The following ADGRB1 variants were observed in gnomAD, a reference collection of about 807,000 sequenced individuals.
ADGRB1 encodes the protein adhesion G protein-coupled receptor B1, also known as brain-specific angiogenesis inhibitor 1.
ADGRB1 carries 36 observed loss-of-function variants against 175.7 expected under a neutral mutation model. The ratio of observed to expected loss-of-function variants is 0.20; its 90% CI spans 0.16 to 0.27. ADGRB1 has a LOEUF of 0.27. Among genes scored for constraint, ADGRB1 ranks in the 10% least tolerant of loss-of-function variants. ADGRB1 has a pLI of 1.00. For missense variants in ADGRB1, 1,731 were observed against 2,255.3 expected (o/e 0.77, Z 4.71); for synonymous variants, 1,054 against 979.4 (o/e 1.08, Z -1.42).
chr8:142,543,228 G>A lies in ADGRB1; in HGVS notation c.4414-175G>A, dbSNP rs181944624. 1.8e-3 allele frequency among the ~76,000 whole-genome samples: 280 copies of A among 152,316 alleles called. 1 individual carries two copies. Among genetic ancestry groups the A allele is most frequent in the South Asian group, 1.7e-3 (8 of 4,830 alleles). On this transcript the variant is annotated intron_variant, in intron 28 of 30. Transcript: ENST00000517894. The surrounding 1 kb of genome is among the most constrained non-coding windows in gnomAD (Gnocchi z 4.4). The stretch of plus-strand genomic sequence containing the variant: ...TTGGTGCTGCTCGCTGGCACCCAGC[G>A]CATAGCTGGAGGAGCTGCCTCAGTG...
Position 142,542,096 on chromosome 8 carries a change from C to A in ADGRB1, c.3862C>A (p.Leu1288Met). ...SLPANVSKLH[L>M]HGSPRYPGGP... The stretch of plus-strand genomic sequence containing the variant: ...GCCGGCCAACGTGTCCAAGCTGCAC[C>A]TGCACGGCTCACCCCGCTATCCCGG... Residue 1288 changes from leucine (L) to methionine (M), a missense_variant, in exon 28 of 31, where the codon CTG (leucine) becomes ATG (methionine). Physicochemically the swap from Leu to Met is conservative, Grantham distance 15 (BLOSUM62 2). Transcript: ENST00000517894. The surrounding 1 kb of genome is among the most constrained non-coding windows in gnomAD (Gnocchi z 6.3). 6.2e-7 allele frequency: 1 copy of A among 1,613,404 alleles called. No homozygotes were observed. Among genetic ancestry groups the A allele is most frequent in the Admixed American group, 1.7e-5 (1 of 60,024 alleles).
At chr8:142,458,662 C>G (rs542597480) in intron 1 of ADGRB1, among the ~76,000 whole-genome samples, 9 of 152,266 alleles carry the variant, frequency 5.9e-5, no homozygotes, top group Non-Finnish European at 1.2e-4. Flanking sequence ...AGTGGCACCC[C>G]CCGCCCTCCC....
intron 17 of ADGRB1, among the ~76,000 whole-genome samples, chr8:142,503,977 C>G (rs1308577147): frequency 6.6e-6 from 1 of 152,126 alleles, no homozygotes; most frequent in East Asian, 1.9e-4. Flanking sequence ...ATGGGCAGCT[C>G]TGGGAGAAGC....
chr8:142,500,649 T>TA (rs1419356386), intron 17 of ADGRB1, among the ~76,000 whole-genome samples: 1 of 151,956 alleles, frequency 6.6e-6, no homozygotes, highest in African/African-American at 2.4e-5. Context: ...CCCTCAGTGT[T>TA]ACCCTGAGGT....
Position 142,530,656 on chromosome 8 carries a change from G to A in ADGRB1, c.3399-2639G>A, listed in dbSNP as rs535566696. 8.5e-5 allele frequency among the ~76,000 whole-genome samples: 13 copies of A among 152,300 alleles called. No homozygotes were observed. In the East Asian group the frequency reaches 9.6e-4, roughly 11 times the overall value. On this transcript the variant is annotated intron_variant, in intron 24 of 30. Coordinates refer to ENST00000517894, the MANE Select transcript of ADGRB1 (RefSeq NM_001702.3). ...CGTCCACACTGGCCTGCCAGGCCCCGGGAAGTTCAGGTTCTTTGGGGCTAG... is the reference window on the plus strand; with the variant it reads ...CGTCCACACTGGCCTGCCAGGCCCCAGGAAGTTCAGGTTCTTTGGGGCTAG...
intron 17 of ADGRB1, among the ~76,000 whole-genome samples, chr8:142,502,656 A>C (rs114926046): frequency 1.6e-4 from 5 of 30,310 alleles, no homozygotes; most frequent in South Asian, 1.0e-3. Context: ...GATGGTGGTG[A>C]TGGTGATGGT....
In ADGRB1 at chr8:142,524,231, TC is replaced by T; in HGVS notation, c.3246-3del. 1 of 1,598,006 alleles carries T rather than the reference TC, an allele frequency of 6.3e-7. No homozygotes were observed. Reference sequence around the variant, plus strand: ...CGGGCGGTGCTGATGGCCTGTCTCCTCCCCAGCTGCTGGCTCTCCCTGGAGG... The same window carrying T: ...CGGGCGGTGCTGATGGCCTGTCTCCTCCCAGCTGCTGGCTCTCCCTGGAGG... On this transcript the variant is annotated splice_polypyrimidine_tract_variant and splice_region_variant and intron_variant, in intron 22 of 30. Transcript: ENST00000517894.
At position 142,529,520 on chromosome 8, in the gene ADGRB1, AAG is replaced by A. The variant is rs1300228008; in HGVS notation, c.3398+2896_3398+2897del. Among the ~76,000 whole-genome samples, 6 of 152,270 alleles carry A rather than the reference AAG, an allele frequency of 3.9e-5. No homozygotes were observed. In the South Asian group the frequency reaches 1.0e-3, roughly 26 times the overall value. On this transcript the variant is annotated intron_variant, in intron 24 of 30. Coordinates refer to ENST00000517894, the MANE Select transcript of ADGRB1 (RefSeq NM_001702.3). Reference sequence around the variant, plus strand: ...TGTGCAAGTGTATGTGTACATGTGTAAGAGTGTGCCTTGATGTGTGCAAGCAT... The same window carrying A: ...TGTGCAAGTGTATGTGTACATGTGTAAGTGTGCCTTGATGTGTGCAAGCAT...
rs112349011 is a variant in ADGRB1, at chr8:142,531,450, T to A, written c.3399-1845T>A. ...CTCCGGACGCCTGAGTTCCCAGGCG[T>A]GGGGTGCACAGGGAGCAGGGGCAGG... On this transcript the variant is annotated intron_variant, in intron 24 of 30. Transcript: ENST00000517894. 6.7e-3 allele frequency among the ~76,000 whole-genome samples: 1,019 copies of A among 152,030 alleles called. 16 individuals carry two copies. The highest frequency in any genetic ancestry group is 0.023 in the African/African-American group (949 of 41,450).
intron 18 of ADGRB1, among the ~76,000 whole-genome samples, 186 bp from the exon 19 acceptor site, chr8:142,517,952 T>C (rs1320930926): frequency 7.0e-6 from 1 of 142,998 alleles, no homozygotes; most frequent in African/African-American, 2.6e-5. Context: ...AAGGGAGTTC[T>C]GGAGGGCCTG....
At position 142,493,118 on chromosome 8, in the gene ADGRB1, G is replaced by T. The variant is rs1323554116; in HGVS notation, c.2675+2303G>T. On this transcript the variant is annotated intron_variant, in intron 17 of 30. Coordinates refer to ENST00000517894, the MANE Select transcript of ADGRB1 (RefSeq NM_001702.3). This position sits in a 1 kb window ranked among gnomAD's most constrained non-coding sequence, Gnocchi z 5.0. Reference sequence around the variant, plus strand: ...CCCCAGGCAGTCTTGTCAGGTGGAGGGTGTGGGCCCCTGGGGGGCCTGCAG... The same window carrying T: ...CCCCAGGCAGTCTTGTCAGGTGGAGTGTGTGGGCCCCTGGGGGGCCTGCAG... Among the ~76,000 whole-genome samples the T allele has an allele frequency of 1.3e-5, 2 of 151,944 alleles. No homozygotes were observed. Among genetic ancestry groups the T allele is most frequent in the African/African-American group, 2.4e-5 (1 of 41,376 alleles).
chr8:142,534,241 C>T (rs111983629), intron 25 of ADGRB1, among the ~76,000 whole-genome samples: 1 of 152,218 alleles, frequency 6.6e-6, no homozygotes, highest in East Asian at 1.9e-4. Flanking sequence ...GGCCCGCCCC[C>T]TCCCCAGGAT....
chr8:142,514,902 T>C (rs1843329914), intron 18 of ADGRB1, among the ~76,000 whole-genome samples: 1 of 151,856 alleles, frequency 6.6e-6, no homozygotes, highest in Non-Finnish European at 1.5e-5. Context: ...GAGACAGAAA[T>C]TAGTTTTGTG....
Position 142,510,912 on chromosome 8 carries a change from C to CCGGG in ADGRB1, c.2676-20_2676-19insCGGG. ...GCTGACGCTCCGCCTGTCTCCCTCC[C>CCGGG]GTGTCCCGCCCGCCCCCAGACCCTC... On this transcript the variant is annotated intron_variant, in intron 17 of 30. Transcript: ENST00000517894. The surrounding 1 kb of genome is among the most constrained non-coding windows in gnomAD (Gnocchi z 6.3). The CCGGG allele has an allele frequency of 9.3e-7, 1 of 1,078,154 alleles. No homozygotes were observed. The highest frequency in any genetic ancestry group is 1.1e-6 in the Non-Finnish European group (1 of 882,962). 66.8% of individuals were successfully genotyped at this position (1,078,154 alleles called of 1,614,324 possible).
Position 142,468,914 on chromosome 8 carries a change from TTGCCAGTTC to T in ADGRB1, c.784+3933_784+3941del, listed in dbSNP as rs545656221. Among the ~76,000 whole-genome samples the T allele has an allele frequency of 1.9e-3, 291 of 152,346 alleles. 3 individuals carry two copies. The highest frequency in any genetic ancestry group is 6.8e-3 in the African/African-American group (281 of 41,582). ...GGATGTAAGCAGCACAAAGCAGGCA[TTGCCAGTTC>T]CCTGACGTGCCCCCCAACGTGTAGA... On this transcript the variant is annotated intron_variant, in intron 2 of 30. Transcript: ENST00000517894.
chr8:142,543,282 C>G lies in ADGRB1; in HGVS notation c.4414-121C>G. ...CCCCAGGCATGTCCCCTGGGTCTGG[C>G]CTGGTCCCTGAAGGCAGGCATGGGG... On this transcript the variant is annotated intron_variant, in intron 28 of 30. Transcript: ENST00000517894. This position sits in a 1 kb window ranked among gnomAD's most constrained non-coding sequence, Gnocchi z 4.4. 7.4e-7 allele frequency: 1 copy of G among 1,353,996 alleles called. No homozygotes were observed. Among genetic ancestry groups the G allele is most frequent in the African/African-American group, 1.4e-5 (1 of 69,404 alleles). The allele number at this position is 1,353,996 out of a possible 1,614,324, so 83.9% of individuals were successfully genotyped here.
chr8:142,462,697 C>A (rs1261881382), intron 1 of ADGRB1, among the ~76,000 whole-genome samples: 1 of 152,248 alleles, frequency 6.6e-6, no homozygotes, highest in Non-Finnish European at 1.5e-5. Context: ...GTGCGGTCAG[C>A]AGAGCGGAGG....
intron 17 of ADGRB1, among the ~76,000 whole-genome samples, chr8:142,503,775 G>A (rs559725440): frequency 6.6e-6 from 1 of 152,308 alleles, no homozygotes; most frequent in Admixed American, 6.5e-5. Context: ...TGGATAAGTA[G>A]GTCAGGAGAA....
Position 142,542,711 on chromosome 8 carries a change from C to T in ADGRB1, c.4413+64C>T, listed in dbSNP as rs1303364853. ...GGGCAGGGCTGCAGCAGCTGGGTCA[C>T]CCCTGCTGGGTGGGACCCCCACGCC... is the stretch of plus-strand genomic sequence containing the variant. On this transcript the variant is annotated intron_variant, in intron 28 of 30. Coordinates refer to ENST00000517894, the MANE Select transcript of ADGRB1 (RefSeq NM_001702.3). The surrounding 1 kb of genome is among the most constrained non-coding windows in gnomAD (Gnocchi z 6.3). The T allele has an allele frequency of 2.1e-6, 3 of 1,424,058 alleles. No homozygotes were observed. The highest frequency in any genetic ancestry group is 2.7e-5 in the South Asian group (2 of 74,778). 88.2% of individuals were successfully genotyped at this position (1,424,058 alleles called of 1,614,324 possible).
Sources: allele counts gnomAD v4.1 joint callset (sites outside exome capture counted in the v4.1 genomes callset), GRCh38; gene constraint gnomAD v4.1.1; non-coding constraint Gnocchi (gnomAD v3.1); transcripts MANE v1.5; gene names NCBI Gene and HGNC (gene_info 2026-07-23, HGNC 2026-07-21).